Variants in SOX5 observed in about 807,000 individuals in gnomAD.
SOX5 encodes SRY-box transcription factor 5, also known as transcription factor SOX-5.
Under a neutral mutation model 92.0 loss-of-function variants are expected in SOX5, and 9 were observed. The ratio of observed to expected loss-of-function variants is 0.10; its 90% confidence interval spans 0.06 to 0.17. SOX5 has a LOEUF of 0.17. SOX5 is among the 10% of genes least tolerant of loss of function. SOX5 has a pLI of 1.00. For missense variants in SOX5, 642 were observed against 944.5 expected, an observed-to-expected ratio of 0.68 and a Z score of 4.20; for synonymous variants, 344 against 336.3, an observed-to-expected ratio of 1.02 and a Z score of -0.25.
intron 6 of SOX5, among the ~76,000 whole-genome samples, chr12:23,720,225 G>A (rs796582127): frequency 1.3e-5 from 2 of 152,248 alleles, no homozygotes; most frequent in African/African-American, 4.8e-5. Context: ...TTCAATAAAT[G>A]GTAGAATAGA....
In SOX5 at chr12:24,392,799, T is replaced by C. The variant is rs565410487; in HGVS notation, c.-250-24160A>G. On this transcript the variant is annotated intron_variant, in intron 1 of 4. Coordinates refer to the SOX5 transcript ENST00000446891. ...ACTCAAAAAATAATTTTTAAATGAA[T>C]TGAATGAGTACCCCAAAGGAACACA... 6.6e-5 allele frequency among the ~76,000 whole-genome samples: 10 copies of C among 152,280 alleles called. No homozygotes were observed. In the East Asian group the frequency reaches 1.4e-3, roughly 21 times the overall value.
intron 9 of SOX5, among the ~76,000 whole-genome samples, chr12:23,591,911 CCTTT>C (rs1253782948): frequency 6.6e-6 from 1 of 152,018 alleles, no homozygotes; most frequent in Non-Finnish European, 1.5e-5. Flanking sequence ...AGTATTTCAT[CCTTT>C]CTATTTCTGG....
At chr12:24,025,293 G>C (rs963437692) in intron 4 of SOX5, among the ~76,000 whole-genome samples, 1 of 151,996 alleles carries the variant, frequency 6.6e-6, no homozygotes, top group Admixed American at 6.6e-5. Flanking sequence ...CCAGAAATCT[G>C]AGATCCTGGT....
At chr12:23,925,314 G>T (rs1410584656) in intron 1 of SOX5, among the ~76,000 whole-genome samples, 1 of 152,006 alleles carries the variant, frequency 6.6e-6, no homozygotes, top group East Asian at 1.9e-4. Flanking sequence ...TTAATTTTTA[G>T]TAGAGGGCAA....
intron 4 of SOX5, among the ~76,000 whole-genome samples, chr12:24,200,620 T>G (rs952948756): frequency 9.2e-5 from 14 of 152,152 alleles, no homozygotes; most frequent in African/African-American, 3.4e-4. Context: ...AACTCAAATC[T>G]CATTCAAAGT....
At chr12:24,467,092 C>G (rs780787755) in intron 1 of SOX5, among the ~76,000 whole-genome samples, 1 of 152,216 alleles carries the variant, frequency 6.6e-6, no homozygotes, top group African/African-American at 2.4e-5. Flanking sequence ...GGCCTTCACT[C>G]TCTACTGAAG....
At chr12:24,233,909 A>T (rs1963926564) in intron 3 of SOX5, among the ~76,000 whole-genome samples, 1 of 152,250 alleles carries the variant, frequency 6.6e-6, no homozygotes, top group African/African-American at 2.4e-5. Context: ...CATGACTTTT[A>T]TCTAGGAAAA....
At position 23,893,057 on chromosome 12, in the gene SOX5, G is replaced by A. The variant is rs2097144249; in HGVS notation, c.270+2736C>T. 3.3e-5 allele frequency among the ~76,000 whole-genome samples: 5 copies of A among 152,194 alleles called. No homozygotes were observed. The South Asian group carries it at 1.0e-3, about 32-fold the overall frequency. On this transcript the variant is annotated intron_variant, in intron 2 of 14. Coordinates refer to ENST00000451604, the MANE Select transcript of SOX5 (RefSeq NM_006940.6). ...AAGTTCACTGAGGAAAGAAGTTTGT[G>A]TCTTACTCAAATCTATTTCCGTAGT...
intron 4 of SOX5, among the ~76,000 whole-genome samples, chr12:24,163,909 G>A (rs1953076197): frequency 6.6e-6 from 1 of 151,690 alleles, no homozygotes; most frequent in Non-Finnish European, 1.5e-5. Flanking sequence ...TCTGCAATTT[G>A]TGAAAAAACA....
At chr12:23,618,887 A>T (rs1347579259) in intron 8 of SOX5, among the ~76,000 whole-genome samples, 1 of 152,166 alleles carries the variant, frequency 6.6e-6, no homozygotes, top group African/African-American at 2.4e-5. Flanking sequence ...GGCCAGTGAA[A>T]AAAGGAATTT....
intron 4 of SOX5, among the ~76,000 whole-genome samples, chr12:24,039,920 A>C (rs927417445): frequency 3.3e-5 from 5 of 152,240 alleles, no homozygotes; most frequent in African/African-American, 1.2e-4. Context: ...GATACAATAG[A>C]AGTGAACACT....
At chr12:24,328,319 G>A (rs1950939494) in intron 2 of SOX5, among the ~76,000 whole-genome samples, 1 of 152,110 alleles carries the variant, frequency 6.6e-6, no homozygotes, top group Non-Finnish European at 1.5e-5. Flanking sequence ...GACAATATAT[G>A]CTTTGGTTCA....
chr12:24,104,624 T>C (rs1946465997), intron 4 of SOX5, among the ~76,000 whole-genome samples: 1 of 152,252 alleles, frequency 6.6e-6, no homozygotes, highest in African/African-American at 2.4e-5. Flanking sequence ...TTCATGATGA[T>C]GGCAATATCT....
At chr12:23,892,969 ACTGCATTACAGC>A (rs2097143214) in intron 2 of SOX5, among the ~76,000 whole-genome samples, 1 of 152,206 alleles carries the variant, frequency 6.6e-6, no homozygotes, top group African/African-American at 2.4e-5. Flanking sequence ...TGATTGTGCC[ACTGCATTACAGC>A]CTGCGTAAAC....
chr12:24,086,410 A>G (rs1183825345), intron 4 of SOX5, among the ~76,000 whole-genome samples: 1 of 151,974 alleles, frequency 6.6e-6, no homozygotes, highest in Non-Finnish European at 1.5e-5. Context: ...TCTATTTGCT[A>G]GTTTTTAAAG....
intron 3 of SOX5, among the ~76,000 whole-genome samples, chr12:23,824,583 C>G (rs1212685685): frequency 6.6e-6 from 1 of 152,226 alleles, no homozygotes; most frequent in Admixed American, 6.5e-5. Context: ...TCAGGAGGCA[C>G]AGGTGTCAGG....
At chr12:24,104,025 T>C (rs1946391880) in intron 4 of SOX5, among the ~76,000 whole-genome samples, 1 of 152,154 alleles carries the variant, frequency 6.6e-6, no homozygotes, top group Non-Finnish European at 1.5e-5. Context: ...TACAGGAAAG[T>C]TTTGAGTCTA....
At chr12:24,153,014 T>C (rs962586795) in intron 4 of SOX5, among the ~76,000 whole-genome samples, 1 of 152,138 alleles carries the variant, frequency 6.6e-6, no homozygotes, top group African/African-American at 2.4e-5. Context: ...TCTCACGCCC[T>C]ATGTGGAGCA....
At chr12:24,198,887 T>G (rs976635439) in intron 4 of SOX5, among the ~76,000 whole-genome samples, 1 of 152,162 alleles carries the variant, frequency 6.6e-6, no homozygotes, top group East Asian at 1.9e-4. Context: ...CCTTTTATAC[T>G]TGGGCTCTGG....
Sources: allele counts gnomAD v4.1 joint callset (sites outside exome capture counted in the v4.1 genomes callset), GRCh38; gene constraint gnomAD v4.1.1; transcripts MANE v1.5; gene names NCBI Gene and HGNC (gene_info 2026-07-23, HGNC 2026-07-21).